Variants in SLC9A8 observed in about 807,000 individuals in gnomAD.
SLC9A8 encodes solute carrier family 9 member A8.
In SLC9A8, 48 loss-of-function variants were observed where a neutral mutation model predicts 66.6. That is an observed-to-expected ratio of 0.72 (90% CI 0.57 to 0.92). The LOEUF (loss-of-function observed/expected upper bound fraction) is 0.92, where lower values mean the gene tolerates loss of function less well. Among genes scored for constraint, SLC9A8 ranks in the 40% least tolerant of loss-of-function variants. The pLI is 0.00. For missense variants in SLC9A8, 599 were observed against 747.3 expected (o/e 0.80, Z 2.31); for synonymous variants, 274 against 282.6 (o/e 0.97, Z 0.31).
chr20:49,881,086 G>A (rs377172409), intron 13 of SLC9A8, 51 bp downstream of exon 13: 15 of 1,279,436 alleles, frequency 1.2e-5, no homozygotes, highest in South Asian at 3.6e-5. Flanking sequence ...TTAAAAGCAC[G>A]CCCCATACAG....
At chr20:49,858,964 A>G (rs2146654462) in intron 8 of SLC9A8, among the ~76,000 whole-genome samples, 1 of 147,296 alleles carries the variant, frequency 6.8e-6, no homozygotes, top group Non-Finnish European at 1.5e-5. Flanking sequence ...TCAAAAAAAA[A>G]AAAAAGAAAG....
intron 7 of SLC9A8, among the ~76,000 whole-genome samples, chr20:49,854,967 C>T (rs1215467083): frequency 3.9e-5 from 6 of 152,220 alleles, no homozygotes; most frequent in Non-Finnish European, 8.8e-5. Flanking sequence ...CCCCAAAGCA[C>T]ACTGGGGTTG....
At chr20:49,884,274 G>GACACACACAACACACACACACACACAC in intron 14 of SLC9A8, 1 of 119,904 alleles carries the variant, frequency 8.3e-6, no homozygotes, top group South Asian at 5.1e-5. Flanking sequence ...ACACACACAC[G>GACACACACAACACACACACACACACAC]ACACACACAC....
In SLC9A8 at chr20:49,890,369, G is replaced by C. The variant is rs1417606720; in HGVS notation, c.*2433G>C. ...TATTTGGGGCAGTGAATGCATAGAA[G>C]ATATAAAAATACGCAGCTTAACTAT... On this transcript the variant is annotated 3_prime_UTR_variant, in exon 16 of 16. Coordinates refer to ENST00000361573, the MANE Select transcript of SLC9A8 (RefSeq NM_015266.3). 1 of 152,204 alleles carries C rather than the reference G, an allele frequency of 6.6e-6. No individual in the cohort carries two copies. Among genetic ancestry groups the C allele is most frequent in the Non-Finnish European group, 1.5e-5 (1 of 68,032 alleles). The allele number at this position is 152,204 out of a possible 1,614,324, so 9.4% of individuals were successfully genotyped here.
intron 10 of SLC9A8, among the ~76,000 whole-genome samples, chr20:49,866,510 T>C (rs59693166): frequency 0.11 from 16,793 of 152,226 alleles, 1,001 homozygotes; most frequent in African/African-American, 0.16. Flanking sequence ...TTGCTTCATA[T>C]TGCCACCACA....
At chr20:49,840,795 C>T (rs1329669209) in intron 4 of SLC9A8, among the ~76,000 whole-genome samples, 1 of 151,966 alleles carries the variant, frequency 6.6e-6, no homozygotes, top group Non-Finnish European at 1.5e-5. Context: ...TGCCCACTAA[C>T]CCATTTTGTT....
At chr20:49,830,057 C>T (rs2087108535) in intron 3 of SLC9A8, 5 of 704,278 alleles carry the variant, frequency 7.1e-6, no homozygotes, top group Non-Finnish European at 1.3e-5. Flanking sequence ...CAGAAGCGAG[C>T]CTGTTAAAGA....
chr20:49,857,475 T>C (rs2088544700), intron 8 of SLC9A8, among the ~76,000 whole-genome samples: 1 of 152,168 alleles, frequency 6.6e-6, no homozygotes, highest in Non-Finnish European at 1.5e-5. Flanking sequence ...CCCATCACTT[T>C]GGGAGGCTGA....
chr20:49,859,291 A>G (rs943055090), intron 8 of SLC9A8, among the ~76,000 whole-genome samples: 1 of 152,210 alleles, frequency 6.6e-6, no homozygotes, highest in African/African-American at 2.4e-5. Flanking sequence ...TCGGTCCATG[A>G]TGGGCAAAAG....
At chr20:49,864,675 G>A (rs2088888915) in intron 9 of SLC9A8, 64 bp from the exon 10 acceptor site, 5 of 1,102,886 alleles carry the variant, frequency 4.5e-6, no homozygotes, top group Non-Finnish European at 7.0e-6. Flanking sequence ...CAGCAGTTTT[G>A]TGACTTCTCC....
In SLC9A8 at chr20:49,886,853, C is replaced by T. The variant is rs375508701; in HGVS notation, c.1593C>T (p.Asp531=). Residue 531 remains aspartate, a synonymous_variant, in exon 15 of 16, where the codon GAC becomes GAT. Transcript: ENST00000361573. The surrounding 1 kb of genome is among the most constrained non-coding windows in gnomAD (Gnocchi z 4.8). ...RQDLKGFVWL[D]AKYLNPFFTR... The stretch of plus-strand genomic sequence containing the variant: ...ACCTTAAGGGCTTCGTGTGGCTGGA[C>T]GCCAAGTACCTGAACCCCTTCTTCA... 8.1e-5 allele frequency: 131 copies of T among 1,614,176 alleles called. No individual in the cohort carries two copies. Among genetic ancestry groups the T allele is most frequent in the Non-Finnish European group, 9.7e-5 (114 of 1,180,000 alleles).
intron 8 of SLC9A8, 87 bp from the exon 9 acceptor site, chr20:49,862,842 G>T: frequency 1.9e-6 from 2 of 1,077,002 alleles, no homozygotes; most frequent in Non-Finnish European, 1.3e-6. Context: ...ATGAATGAGC[G>T]AATAAGCAAG....
intron 5 of SLC9A8, among the ~76,000 whole-genome samples, chr20:49,846,161 G>A (rs1247192974): frequency 6.6e-6 from 1 of 152,136 alleles, no homozygotes; most frequent in African/African-American, 2.4e-5. Context: ...CTTTCTGCCT[G>A]AGCAGGAGCT....
At chr20:49,874,911 C>T in intron 11 of SLC9A8, 90 bp downstream of exon 11, 1 of 898,812 alleles carries the variant, frequency 1.1e-6, no homozygotes, top group Admixed American at 1.7e-5. Context: ...TGAGACTTTC[C>T]CTGGCAGCAG....
In SLC9A8 at chr20:49,838,683, C is replaced by T. The variant is rs550929779; in HGVS notation, c.290-858C>T. Among the ~76,000 whole-genome samples the T allele has an allele frequency of 2.0e-5, 3 of 152,284 alleles. No homozygotes were observed. In the East Asian group the frequency reaches 5.8e-4, roughly 29 times the overall value. ...CATCTTCTCGTTGATGGCGAAAGCT[C>T]CTTCCTCCATGGGAAAGTGAAGTCT... is the stretch of plus-strand genomic sequence containing the variant. On this transcript the variant is annotated intron_variant, in intron 3 of 15. Coordinates refer to ENST00000361573, the MANE Select transcript of SLC9A8 (RefSeq NM_015266.3).
At chr20:49,876,972 T>G (rs2146732916) in intron 11 of SLC9A8, among the ~76,000 whole-genome samples, 1 of 152,244 alleles carries the variant, frequency 6.6e-6, no homozygotes, top group South Asian at 2.1e-4. Flanking sequence ...ACAGCCTTGC[T>G]GTTTGTGATC....
At chr20:49,883,720 T>A in intron 13 of SLC9A8, 126 bp from the exon 14 acceptor site, 2 of 720,086 alleles carry the variant, frequency 2.8e-6, no homozygotes, top group Non-Finnish European at 4.6e-6. Context: ...GAGCACACAC[T>A]CTTCAGCAGG....
chr20:49,817,003 C>T (rs1272407610), intron 2 of SLC9A8, among the ~76,000 whole-genome samples: 3 of 151,746 alleles, frequency 2.0e-5, no homozygotes, highest in Non-Finnish European at 4.4e-5. Flanking sequence ...GCTGGGATTA[C>T]AGGCGTGAGC....
At chr20:49,849,164 G>A (rs570113303) in intron 5 of SLC9A8, among the ~76,000 whole-genome samples, 7 of 152,258 alleles carry the variant, frequency 4.6e-5, no homozygotes, top group East Asian at 1.9e-4. Flanking sequence ...ACAAAGGCGA[G>A]CATGGTGCCA....
Sources: gnomAD v4.1 joint callset for allele counts (sites outside exome capture counted in the v4.1 genomes callset) on GRCh38, gnomAD v4.1.1 for gene constraint, Gnocchi (gnomAD v3.1) non-coding constraint, MANE v1.5 for transcripts, NCBI Gene and HGNC (gene_info 2026-07-23, HGNC 2026-07-21) for gene names.